The following ASMTL variants were observed in gnomAD, a reference collection of about 807,000 sequenced individuals.
ASMTL encodes probable bifunctional dTTP/UTP pyrophosphatase/methyltransferase protein.
In ASMTL, 57 loss-of-function variants were observed where a neutral mutation model predicts 60.3. The ratio of observed to expected loss-of-function variants is 0.95; its 90% CI spans 0.76 to 1.18. The LOEUF (loss-of-function observed/expected upper bound fraction) is 1.18, where lower values mean the gene tolerates loss of function less well. Among genes scored for constraint, ASMTL ranks in the 50% most tolerant of loss-of-function variants. The pLI is 0.00. For missense variants in ASMTL, 981 were observed against 852.6 expected, an observed-to-expected ratio of 1.15 and a Z score of -1.88; for synonymous variants, 419 against 373.0, an observed-to-expected ratio of 1.12 and a Z score of -1.42.
At chrX:1,425,710 G>A (rs1311059246) in intron 7 of ASMTL, 23 bp from the exon 8 acceptor site, 14 of 1,610,374 alleles carry the variant, frequency 8.7e-6, no homozygotes, top group Non-Finnish European at 1.2e-5. Flanking sequence ...AGTGCAGAGA[G>A]ACTCATTAAG....
chrX:1,404,633 A>G (rs1195711420), intron 12 of ASMTL, among the ~76,000 whole-genome samples: 2 of 149,316 alleles, frequency 1.3e-5, no homozygotes, highest in Admixed American at 1.3e-4. Flanking sequence ...ATGGACGGAT[A>G]GATGGATGCA....
chrX:1,410,921 C>T (rs1177109523), intron 12 of ASMTL, among the ~76,000 whole-genome samples: 11 of 151,628 alleles, frequency 7.3e-5, no homozygotes, highest in Non-Finnish European at 1.3e-4. Context: ...CGAGGTGGCT[C>T]ACGCCTGTAA....
chrX:1,449,171 C>G (rs1208950824), intron 1 of ASMTL, among the ~76,000 whole-genome samples: 1 of 152,144 alleles, frequency 6.6e-6, no homozygotes, highest in Non-Finnish European at 1.5e-5. Context: ...CACTCCTGAC[C>G]TAACTCAGCC....
In ASMTL at chrX:1,440,692, G is replaced by C. The variant is rs188495810; in HGVS notation, c.225+1494C>G. ...CTCACGCCTGTAATCCCAACACTCC[G>C]GGAGGCCGAGGCGGGTGGATCACCT... On this transcript the variant is annotated intron_variant, in intron 2 of 12. Transcript: ENST00000381317. Among the ~76,000 whole-genome samples, 3 of 152,214 alleles carry C rather than the reference G, an allele frequency of 2.0e-5. No homozygotes were observed. The East Asian group carries it at 5.8e-4, about 30-fold the overall frequency.
chrX:1,423,440 C>G lies in ASMTL; in HGVS notation c.1061-1598G>C, dbSNP rs1230686887. On this transcript the variant is annotated intron_variant, in intron 8 of 12. Transcript: ENST00000381317. ...CCTCTGCCCAGGTGTCATCTGTTGT[C>G]CTGCCCTTCCCAGGCTACTCAAGGA... 2.0e-5 allele frequency among the ~76,000 whole-genome samples: 3 copies of G among 152,096 alleles called. No individual in the cohort carries two copies. The East Asian group carries it at 5.8e-4, about 29-fold the overall frequency.
At chrX:1,411,877 G>A (rs28550299) in intron 12 of ASMTL, among the ~76,000 whole-genome samples, 3,283 of 131,624 alleles carry the variant, frequency 0.025, 119 homozygotes, top group African/African-American at 0.09. Flanking sequence ...CGGTGGCGCA[G>A]TCTCGGCTCA....
intron 12 of ASMTL, among the ~76,000 whole-genome samples, chrX:1,404,303 G>A (rs36153371): frequency 0.034 from 5,060 of 149,452 alleles, 109 homozygotes; most frequent in Middle Eastern, 0.074. Flanking sequence ...TGAATAGATG[G>A]TAGATCATGG....
At chrX:1,416,596 CAT>C (rs1296101586) in intron 11 of ASMTL, among the ~76,000 whole-genome samples, 7 of 149,088 alleles carry the variant, frequency 4.7e-5, no homozygotes, top group African/African-American at 1.0e-4. Flanking sequence ...GACATACACA[CAT>C]ATACCCACAC....
intron 5 of ASMTL, among the ~76,000 whole-genome samples, chrX:1,434,757 T>C (rs1296219502): frequency 1.4e-5 from 2 of 146,378 alleles, no homozygotes; most frequent in Non-Finnish European, 3.0e-5. Context: ...ATCGTGCCAC[T>C]GCCCTCCAGC....
chrX:1,425,855 A>G (rs2090600340), intron 7 of ASMTL, 168 bp from the exon 8 acceptor site: 1 of 198,000 alleles, frequency 5.1e-6, no homozygotes, highest in Non-Finnish European at 9.1e-6. Flanking sequence ...CCCAGCTATA[A>G]AACAAGGTGT....
Position 1,442,244 on chromosome X carries a change from C to A in ASMTL, c.167G>T (p.Gly56Val), listed in dbSNP as rs1307798605. 1 of 1,613,846 alleles carries A rather than the reference C, an allele frequency of 6.2e-7. No individual in the cohort carries two copies. The highest frequency in any genetic ancestry group is 1.1e-5 in the South Asian group (1 of 91,068). Residue 56 changes from glycine (G) to valine (V), a missense_variant, in exon 2 of 13, where the codon GGG becomes GTG. Physicochemically the swap from Gly to Val is moderately radical, Grantham distance 109. Coordinates refer to ENST00000381317, the MANE Select transcript of ASMTL (RefSeq NM_004192.4). Reference protein sequence around the residue: ...LDKASFATPYGYAMETAKQKA... With the variant: ...LDKASFATPYVYAMETAKQKA... Reference sequence around the variant, plus strand: ...CTGCTTGGCGGTCTCCATGGCGTACCCATACGGAGTAGCGAAGGAGGCTTT... The same window carrying A: ...CTGCTTGGCGGTCTCCATGGCGTACACATACGGAGTAGCGAAGGAGGCTTT...
chrX:1,429,745 C>T (rs185663422), intron 6 of ASMTL, among the ~76,000 whole-genome samples: 176 of 151,940 alleles, frequency 1.2e-3, no homozygotes, highest in African/African-American at 3.1e-3. Context: ...TGCAGTGAGC[C>T]AAGATCGCGC....
chrX:1,416,953 C>G (rs1486315795), intron 11 of ASMTL, among the ~76,000 whole-genome samples: 1 of 151,784 alleles, frequency 6.6e-6, no homozygotes, highest in African/African-American at 2.4e-5. Context: ...GACACAGAGA[C>G]ATTCTGACGT....
At chrX:1,422,749 GT>G (rs1202235137) in intron 8 of ASMTL, among the ~76,000 whole-genome samples, 2 of 152,062 alleles carry the variant, frequency 1.3e-5, no homozygotes, top group African/African-American at 4.8e-5. Flanking sequence ...TGAGTGTACG[GT>G]TTGCTATAGT....
rs201520544 is a variant in ASMTL, at chrX:1,419,129, G to A, written c.1246-15C>T. Reference sequence around the variant, plus strand: ...TAGTACGCATCCTGGAACACAGCAGGTGCTTAGGGGCACCAGAGAACACGG... The same window carrying A: ...TAGTACGCATCCTGGAACACAGCAGATGCTTAGGGGCACCAGAGAACACGG... On this transcript the variant is annotated splice_polypyrimidine_tract_variant and intron_variant, in intron 9 of 12. Transcript: ENST00000381317. The A allele has an allele frequency of 1.2e-6, 2 of 1,610,300 alleles. No homozygotes were observed. The highest frequency in any genetic ancestry group is 1.3e-5 in the African/African-American group (1 of 74,976).
intron 3 of ASMTL, among the ~76,000 whole-genome samples, chrX:1,437,919 G>T: frequency 6.6e-6 from 1 of 151,026 alleles, no homozygotes; most frequent in Non-Finnish European, 1.5e-5. Flanking sequence ...AGGAGAAATG[G>T]GTCTTTGCCT....
At chrX:1,416,392 C>CAG (rs1461991919) in intron 11 of ASMTL, among the ~76,000 whole-genome samples, 9,178 of 119,754 alleles carry the variant, frequency 0.077, 2,672 homozygotes, top group Non-Finnish European at 0.1. Flanking sequence ...TGGGCACACA[C>CAG]ACACACGGAC....
intron 3 of ASMTL, among the ~76,000 whole-genome samples, chrX:1,436,543 G>A (rs1382138644): frequency 6.6e-5 from 10 of 151,968 alleles, no homozygotes; most frequent in Non-Finnish European, 8.8e-5. Context: ...TAGTAGAGAC[G>A]GGGTTTCACC....
intron 3 of ASMTL, among the ~76,000 whole-genome samples, chrX:1,436,491 TACAGGCGCCCGCCACC>T (rs2090968947): frequency 6.6e-6 from 1 of 152,204 alleles, no homozygotes; most frequent in Non-Finnish European, 1.5e-5. Flanking sequence ...TAGCTGGGAC[TACAGGCGCCCGCCACC>T]ACACCCGGCT....
Sources: gnomAD v4.1 joint callset for allele counts (sites outside exome capture counted in the v4.1 genomes callset) on GRCh38, gnomAD v4.1.1 for gene constraint, MANE v1.5 for transcripts, NCBI Gene and HGNC (gene_info 2026-07-23, HGNC 2026-07-21) for gene names.